SVOPL: variants seen among roughly 807,000 people sequenced by gnomAD.
The protein encoded by SVOPL is SVOP like, also known as putative transporter SVOPL.
Under a neutral mutation model 61.0 loss-of-function variants are expected in SVOPL, and 60 were observed. That is an observed-to-expected ratio of 0.98 (90% CI 0.80 to 1.22). The LOEUF (loss-of-function observed/expected upper bound fraction) is 1.22, where lower values mean the gene tolerates loss of function less well. Ranked by LOEUF, SVOPL falls within the 50% of genes most tolerant of loss-of-function variation. SVOPL has a pLI of 0.00. For synonymous variants in SVOPL, 279 were observed against 250.0 expected (o/e 1.12, Z -1.09); for missense variants, 662 against 643.9 (o/e 1.03, Z -0.30).
At chr7:138,624,120 GATTA>G (rs1563098270) in intron 13 of SVOPL, among the ~76,000 whole-genome samples, 1 of 152,200 alleles carries the variant, frequency 6.6e-6, no homozygotes, top group African/African-American at 2.4e-5. Context: ...GCACCCAGCC[GATTA>G]ATTTTTATTC....
intron 9 of SVOPL, among the ~76,000 whole-genome samples, chr7:138,642,637 G>A (rs1584821460): frequency 6.6e-6 from 1 of 151,598 alleles, no homozygotes; most frequent in Non-Finnish European, 1.5e-5. Context: ...GATCAGCCTG[G>A]GCAACATGGT....
At chr7:138,668,218 T>C (rs1584858159) in intron 4 of SVOPL, among the ~76,000 whole-genome samples, 3 of 152,068 alleles carry the variant, frequency 2.0e-5, no homozygotes, top group Admixed American at 6.6e-5. Flanking sequence ...ATCAGCACTC[T>C]CGACTCACTG....
At chr7:138,649,839 T>C (rs1481745060) in intron 7 of SVOPL, among the ~76,000 whole-genome samples, 1 of 152,098 alleles carries the variant, frequency 6.6e-6, no homozygotes, top group Admixed American at 6.6e-5. Context: ...AAAGGTTGTT[T>C]GTTTGTTTTT....
intron 14 of SVOPL, among the ~76,000 whole-genome samples, chr7:138,619,256 TAA>T (rs1799440414): frequency 1.3e-5 from 2 of 151,480 alleles, no homozygotes; most frequent in Admixed American, 6.6e-5. Flanking sequence ...AATAAATAAA[TAA>T]ATAGTCAGGC....
intron 8 of SVOPL, 33 bp downstream of exon 8, chr7:138,648,979 G>A (rs370116230): frequency 3.7e-6 from 6 of 1,612,574 alleles, no homozygotes; most frequent in Admixed American, 3.3e-5. Flanking sequence ...AGCAGGAGGA[G>A]GGGACAGGAA....
Position 138,679,081 on chromosome 7 carries a change from T to G in SVOPL, c.-34-2A>C, listed in dbSNP as rs1308133574. 6.6e-7 allele frequency: 1 copy of G among 1,523,104 alleles called. No individual in the cohort carries two copies. Among genetic ancestry groups the G allele is most frequent in the Admixed American group, 2.0e-5 (1 of 50,774 alleles). 94.3% of individuals were successfully genotyped at this position (1,523,104 alleles called of 1,614,324 possible). ...GCTCAAGTTCCCCAAACAGCTTCCC[T>G]GGTGGAAGCAAGGGAGGGAAGAAGG... On this transcript the variant is annotated splice_acceptor_variant, in intron 1 of 15. Transcript: ENST00000674285. LOFTEE classifies it low-confidence loss of function (5UTR_SPLICE).
intron 9 of SVOPL, among the ~76,000 whole-genome samples, chr7:138,643,476 CGT>C (rs2116993647): frequency 6.6e-6 from 1 of 151,648 alleles, no homozygotes; most frequent in East Asian, 1.9e-4. Context: ...CCTGGTCACC[CGT>C]GTTCATAGTA....
At chr7:138,646,435 T>A in intron 8 of SVOPL, 1 of 181,108 alleles carries the variant, frequency 5.5e-6, no homozygotes, top group Non-Finnish European at 1.2e-5. Flanking sequence ...CCTCTTTCCC[T>A]TTGTGTAGGT....
At chr7:138,623,800 A>G (rs1799778316) in intron 13 of SVOPL, among the ~76,000 whole-genome samples, 1 of 152,156 alleles carries the variant, frequency 6.6e-6, no homozygotes, top group African/African-American at 2.4e-5. Context: ...TTTCTTAACT[A>G]TGCAAAATTA....
At chr7:138,670,556 A>C (rs1423062694) in intron 4 of SVOPL, among the ~76,000 whole-genome samples, 1 of 152,108 alleles carries the variant, frequency 6.6e-6, no homozygotes, top group Non-Finnish European at 1.5e-5. Context: ...CATTTTCTAC[A>C]CCACTATGAT....
At chr7:138,623,352 G>T (rs982844310) in intron 13 of SVOPL, among the ~76,000 whole-genome samples, 2 of 152,252 alleles carry the variant, frequency 1.3e-5, no homozygotes, top group East Asian at 3.9e-4. Flanking sequence ...TGTAATCCGA[G>T]CACTTTGGGA....
At chr7:138,596,600 G>C in intron 14 of SVOPL, 70 bp from the exon 15 acceptor site, 1 of 1,554,910 alleles carries the variant, frequency 6.4e-7, no homozygotes, top group South Asian at 1.2e-5. Context: ...TTATGTGAAA[G>C]AGAAAATACA....
chr7:138,661,490 C>T (rs550608887), intron 5 of SVOPL: 10 of 981,544 alleles, frequency 1.0e-5, no homozygotes, highest in Middle Eastern at 5.2e-4. Flanking sequence ...GTCACATTCC[C>T]GCACCCATGC....
intron 4 of SVOPL, among the ~76,000 whole-genome samples, chr7:138,671,431 T>C (rs1019748094): frequency 1.3e-5 from 2 of 152,292 alleles, no homozygotes; most frequent in Non-Finnish European, 2.9e-5. Flanking sequence ...CACTGCAACC[T>C]CCTCCTCCCA....
chr7:138,672,259 C>T, intron 3 of SVOPL, 142 bp from the exon 4 acceptor site: 1 of 694,080 alleles, frequency 1.4e-6, no homozygotes. Context: ...ACCCACACTG[C>T]ACTGCTAGTT....
At chr7:138,678,185 C>T (rs1197282672) in intron 3 of SVOPL, among the ~76,000 whole-genome samples, 3 of 152,052 alleles carry the variant, frequency 2.0e-5, no homozygotes, top group East Asian at 1.9e-4. Context: ...GTCCCCCCTC[C>T]CCCACCACTC....
rs71179714 is a variant in SVOPL at position 138,644,197 on chromosome 7, C to CAAAA, written c.789+516_789+519dup. ...GCCTGGTGACAGAGCAAGACTCCATCAAAAAAAAAAAAAAAAAAAAAAAAA... is the reference window on the plus strand; with the variant it reads ...GCCTGGTGACAGAGCAAGACTCCATCAAAAAAAAAAAAAAAAAAAAAAAAAAAAA... On this transcript the variant is annotated intron_variant, in intron 9 of 15. Coordinates refer to ENST00000674285, the MANE Select transcript of SVOPL (RefSeq NM_001139456.2). 9.5e-4 allele frequency among the ~76,000 whole-genome samples: 48 copies of CAAAA among 50,406 alleles called. 4 individuals carry two copies. Among genetic ancestry groups the CAAAA allele is most frequent in the Non-Finnish European group, 1.7e-3 (42 of 25,378 alleles). 33.1% of individuals were successfully genotyped at this position (50,406 alleles called of 152,430 possible).
rs747506960 is a variant in SVOPL at position 138,627,398 on chromosome 7, A to G, written c.1133T>C (p.Met378Thr). Residue 378 changes from methionine to threonine, a missense_variant, in exon 12 of 16, where the codon ATG becomes ACG. Met to Thr is a moderately conservative substitution (Grantham distance 81). Coordinates refer to ENST00000674285, the MANE Select transcript of SVOPL (RefSeq NM_001139456.2). ...LGRRLSLSIT[M>T]GCTALFFLLL... ...AAGGAAGAATAAAGCCGTGCATCCC[A>G]TGGTAATAGAAAGGCTCAGCCGTCT... The G allele has an allele frequency of 2.5e-6, 4 of 1,613,848 alleles. No homozygotes were observed. Among genetic ancestry groups the G allele is most frequent in the African/African-American group, 1.3e-5 (1 of 75,068 alleles).
intron 10 of SVOPL, among the ~76,000 whole-genome samples, chr7:138,629,070 G>A (rs964072807): frequency 1.3e-5 from 2 of 150,500 alleles, no homozygotes; most frequent in African/African-American, 4.9e-5. Context: ...TTAAAAAACT[G>A]GGTTATTTTT....
Sources: gnomAD v4.1 joint callset for allele counts (sites outside exome capture counted in the v4.1 genomes callset) on GRCh38, gnomAD v4.1.1 for gene constraint, MANE v1.5 for transcripts, NCBI Gene and HGNC (gene_info 2026-07-23, HGNC 2026-07-21) for gene names.